Variants in LARS1 observed in about 807,000 individuals in gnomAD.
LARS1 encodes the protein leucine--tRNA ligase, cytoplasmic.
In LARS1, 100 loss-of-function variants were observed where a neutral mutation model predicts 162.8. That is an observed-to-expected ratio of 0.61 (90% confidence interval 0.52 to 0.73). LARS1 has a LOEUF of 0.73. Among genes scored for constraint, LARS1 ranks in the 30% least tolerant of loss-of-function variants. The probability of loss-of-function intolerance (pLI) is 0.00; values close to 1 mark genes in which losing one functional copy is unlikely to be tolerated. For missense variants in LARS1, 1,258 were observed against 1,408.9 expected (o/e 0.89, Z 1.71); for synonymous variants, 457 against 462.8 (o/e 0.99, Z 0.16).
At chr5:146,182,396 G>C (rs1415665017) in intron 1 of LARS1, 92 bp downstream of exon 1, 1 of 1,536,840 alleles carries the variant, frequency 6.5e-7, no homozygotes, top group African/African-American at 1.4e-5. Flanking sequence ...TTTTAGAAAA[G>C]GACTTTCCCT....
chr5:146,131,199 T>C (rs1752264824), intron 23 of LARS1, 90 bp from the exon 24 acceptor site: 1 of 548,304 alleles, frequency 1.8e-6, no homozygotes, highest in Non-Finnish European at 3.2e-6. Flanking sequence ...TTTAAAATAC[T>C]GCTTTTTAAT....
chr5:146,181,860 T>C (rs955942377), intron 1 of LARS1, among the ~76,000 whole-genome samples: 4 of 109,868 alleles, frequency 3.6e-5, no homozygotes, highest in South Asian at 2.6e-4. Flanking sequence ...TTTTTTTTTT[T>C]TTTTTTTTTT....
At chr5:146,150,000 C>A (rs529799963) in intron 14 of LARS1, among the ~76,000 whole-genome samples, 2 of 152,292 alleles carry the variant, frequency 1.3e-5, no homozygotes, top group African/African-American at 4.8e-5. Context: ...CATAGACAGA[C>A]TTCAATTACA....
chr5:146,128,936 T>C, intron 26 of LARS1, 42 bp downstream of exon 26: 1 of 1,529,354 alleles, frequency 6.5e-7, no homozygotes, highest in Non-Finnish European at 8.8e-7. Context: ...TCAATAACTT[T>C]TAAGGAATAA....
At chr5:146,176,448 C>CAAAAAAAA (rs34896615) in intron 2 of LARS1, among the ~76,000 whole-genome samples, 2 of 76,872 alleles carry the variant, frequency 2.6e-5, no homozygotes, top group African/African-American at 6.3e-5. Context: ...AAGACTGTCT[C>CAAAAAAAA]AAAAAAAAAA....
chr5:146,153,562 A>AG (rs1179717717), intron 12 of LARS1, among the ~76,000 whole-genome samples, 172 bp downstream of exon 12: 1 of 151,700 alleles, frequency 6.6e-6, no homozygotes, highest in African/African-American at 2.4e-5. Context: ...AATTCTGTGA[A>AG]CATATTTAAA....
chr5:146,148,782 G>C (rs1354634596), intron 15 of LARS1, among the ~76,000 whole-genome samples: 1 of 152,050 alleles, frequency 6.6e-6, no homozygotes, highest in Non-Finnish European at 1.5e-5. Context: ...AGATCTGTTA[G>C]AGATGGAGAT....
intron 18 of LARS1, 37 bp from the exon 19 acceptor site, chr5:146,143,587 G>A: frequency 6.2e-7 from 1 of 1,602,440 alleles, no homozygotes; most frequent in Non-Finnish European, 8.5e-7. Flanking sequence ...GAACCTGAGA[G>A]ACATTTCATC....
At chr5:146,173,000 A>G (rs1754344736) in intron 2 of LARS1, among the ~76,000 whole-genome samples, 1 of 152,212 alleles carries the variant, frequency 6.6e-6, no homozygotes. Flanking sequence ...TAAGAATTAA[A>G]TAGCCTTGTA....
chr5:146,140,336 A>G, intron 20 of LARS1, 75 bp from the exon 21 acceptor site: 1 of 1,142,608 alleles, frequency 8.8e-7, no homozygotes, highest in Non-Finnish European at 1.3e-6. Flanking sequence ...TTTGAGGTAA[A>G]AGCTAATAGA....
intron 23 of LARS1, 33 bp downstream of exon 23, chr5:146,132,865 T>A (rs768127436): frequency 6.4e-7 from 1 of 1,574,782 alleles, no homozygotes; most frequent in South Asian, 1.1e-5. Context: ...TAAGTAACTC[T>A]AAAACACAAA....
At chr5:146,164,271 C>CAAAAAAGCACATAA in intron 6 of LARS1, 39 bp downstream of exon 6, 1 of 1,580,282 alleles carries the variant, frequency 6.3e-7, no homozygotes, top group Non-Finnish European at 8.7e-7. Flanking sequence ...AAAGCACATA[C>CAAAAAAGCACATAA]TTGTAAATGC....
chr5:146,159,013 G>A (rs982438035), intron 8 of LARS1, among the ~76,000 whole-genome samples: 18 of 151,704 alleles, frequency 1.2e-4, no homozygotes, highest in African/African-American at 1.9e-4. Context: ...GGAGAATGGC[G>A]TGAACCCAGG....
Position 146,132,964 on chromosome 5 carries a change from A to C in LARS1, c.2330T>G (p.Met777Arg). The C allele has an allele frequency of 6.2e-6, 10 of 1,614,100 alleles. No homozygotes were observed. The highest frequency in any genetic ancestry group is 8.5e-6 in the Non-Finnish European group (10 of 1,179,972). ...LYTWVEWVKE[M>R]VANWDSLRSG... is the part of the protein sequence containing the mutation. Reference sequence around the variant, plus strand: ...TCTTAGGCTGTCCCAGTTGGCAACCATTTCTTTCACCCACTCTACCCAGGT... The same window carrying C: ...TCTTAGGCTGTCCCAGTTGGCAACCCTTTCTTTCACCCACTCTACCCAGGT... The change falls in exon 23 of 32, where the codon ATG becomes AGG. Residue 777 changes from methionine (M) to arginine (R), a missense_variant. Physicochemically the swap from Met to Arg is moderately conservative, Grantham distance 91. Coordinates refer to ENST00000394434, the MANE Select transcript of LARS1 (RefSeq NM_020117.11).
intron 27 of LARS1, among the ~76,000 whole-genome samples, chr5:146,128,225 A>G (rs542804715): frequency 1.3e-5 from 2 of 152,282 alleles, no homozygotes; most frequent in Non-Finnish European, 2.9e-5. Flanking sequence ...AACAACATTT[A>G]AAGTACTCAA....
Position 146,151,851 on chromosome 5 carries a change from T to C in LARS1, c.1425+11A>G, listed in dbSNP as rs1456110751. On this transcript the variant is annotated intron_variant, in intron 14 of 31. Coordinates refer to ENST00000394434, the MANE Select transcript of LARS1 (RefSeq NM_020117.11). ...TAAAGCAAATAAAAACTAAAAAAAA[T>C]TATTACTTACACCCTCATAAAATCC... 3.1e-6 allele frequency: 5 copies of C among 1,605,608 alleles called. No individual in the cohort carries two copies. The highest frequency in any genetic ancestry group is 1.1e-5 in the South Asian group (1 of 89,984).
At chr5:146,156,827 T>C (rs1044615260) in intron 10 of LARS1, among the ~76,000 whole-genome samples, 2 of 150,182 alleles carry the variant, frequency 1.3e-5, no homozygotes, top group Admixed American at 1.3e-4. Flanking sequence ...TTACCAGGAA[T>C]TCAGGTAATA....
At chr5:146,179,019 G>C (rs919406503) in intron 1 of LARS1, among the ~76,000 whole-genome samples, 1 of 152,100 alleles carries the variant, frequency 6.6e-6, no homozygotes, top group Non-Finnish European at 1.5e-5. Flanking sequence ...ATCACCTGAG[G>C]CTACGAGTTC....
At position 146,132,985 on chromosome 5, in the gene LARS1, C is replaced by T. The variant is rs748827175; in HGVS notation, c.2309G>A (p.Trp770Ter). 1 of 1,614,150 alleles carries T rather than the reference C, an allele frequency of 6.2e-7. No individual in the cohort carries two copies. Residue 770 changes from tryptophan (W) to a stop codon, truncating the protein, a stop_gained, in exon 23 of 32, where the codon TGG becomes TAG. Coordinates refer to ENST00000394434, the MANE Select transcript of LARS1 (RefSeq NM_020117.11). LOFTEE classifies it high-confidence loss of function. The stretch of plus-strand genomic sequence containing the variant: ...AACCATTTCTTTCACCCACTCTACC[C>T]AGGTGTACAGACGGAGAATACCTGC... ...ADAGILRLYT[W>*]VEWVKEMVAN...
Sources: allele counts gnomAD v4.1 joint callset (sites outside exome capture counted in the v4.1 genomes callset), GRCh38; gene constraint gnomAD v4.1.1; transcripts MANE v1.5; gene names NCBI Gene and HGNC (gene_info 2026-07-23, HGNC 2026-07-21).